PTCHD4: variants seen among roughly 807,000 people sequenced by gnomAD.
PTCHD4 encodes the protein patched domain-containing protein 4.
A neutral mutation model predicts 58.1 loss-of-function variants in PTCHD4; 33 were observed. That is an observed-to-expected ratio of 0.57 (90% CI 0.43 to 0.76). PTCHD4 has a LOEUF of 0.76. Among genes scored for constraint, PTCHD4 ranks in the 30% least tolerant of loss-of-function variants. The pLI, the probability that PTCHD4 is intolerant of heterozygous loss-of-function variation, is 0.00. For synonymous variants in PTCHD4, 478 were observed against 409.6 expected (o/e 1.17, Z -2.02); for missense variants, 1,058 against 1,027.1 (o/e 1.03, Z -0.41).
intron 1 of PTCHD4, among the ~76,000 whole-genome samples, chr6:48,101,214 T>C (rs892036683): frequency 1.2e-4 from 18 of 152,170 alleles, no homozygotes; most frequent in African/African-American, 4.3e-4. Context: ...TAAAATTTAT[T>C]TTAAAAATGG....
At chr6:47,971,956 G>C (rs1767528742) in intron 4 of PTCHD4, among the ~76,000 whole-genome samples, 1 of 152,054 alleles carries the variant, frequency 6.6e-6, no homozygotes, top group Admixed American at 6.6e-5. Context: ...GAAGAATTAG[G>C]GTTATTAACA....
chr6:48,103,959 C>T (rs1341811610), intron 1 of PTCHD4, among the ~76,000 whole-genome samples: 1 of 152,116 alleles, frequency 6.6e-6, no homozygotes, highest in Admixed American at 6.5e-5. Context: ...TGTGAAAAGA[C>T]CAAATCTACG....
At chr6:48,110,081 T>C (rs562863669) in intron 1 of PTCHD4, among the ~76,000 whole-genome samples, 82 of 152,252 alleles carry the variant, frequency 5.4e-4, no homozygotes, top group African/African-American at 1.9e-3. Flanking sequence ...AGAACTACCA[T>C]ATGATACAGC....
intron 1 of PTCHD4, among the ~76,000 whole-genome samples, chr6:48,105,714 A>T (rs1311600449): frequency 1.3e-5 from 2 of 152,176 alleles, no homozygotes; most frequent in African/African-American, 4.8e-5. Context: ...AAGACTAATA[A>T]AGAAGAAAAG....
intron 3 of PTCHD4, among the ~76,000 whole-genome samples, chr6:48,064,126 A>C (rs1287391212): frequency 6.6e-6 from 1 of 152,212 alleles, no homozygotes; most frequent in African/African-American, 2.4e-5. Flanking sequence ...GGCAGGATTC[A>C]GGGAAATAGA....
intron 4 of PTCHD4, among the ~76,000 whole-genome samples, chr6:47,888,500 G>C (rs1049534300): frequency 6.6e-6 from 1 of 152,058 alleles, no homozygotes; most frequent in Non-Finnish European, 1.5e-5. Flanking sequence ...ATAAAACTTA[G>C]TAGCAGATTC....
At position 47,876,095 on chromosome 6, in the gene PTCHD4, A is replaced by C. The variant is rs937907671; in HGVS notation, c.*2208T>G. Among the ~76,000 whole-genome samples, 3 of 151,630 alleles carry C rather than the reference A, an allele frequency of 2.0e-5. No homozygotes were observed. Among genetic ancestry groups the C allele is most frequent in the African/African-American group, 7.3e-5 (3 of 41,320 alleles). On this transcript the variant is annotated 3_prime_UTR_variant, in exon 5 of 5. Transcript: ENST00000339488. ...CCACTACAAAACTCCCACCCAAACA[A>C]AAAATCAAAACCCAACCAAAAACCT...
rs1006916467 is a variant in PTCHD4 at position 47,893,012 on chromosome 6, G to T, written c.899-13076C>A. Among the ~76,000 whole-genome samples the T allele has an allele frequency of 3.3e-5, 5 of 152,208 alleles. No individual in the cohort carries two copies. The East Asian group carries it at 9.7e-4, about 29-fold the overall frequency. Reference sequence around the variant, plus strand: ...TGATTGGTTGATTAACTTTATTAGAGATCTTTTTATTTTTTTTGAGATGGA... The same window carrying T: ...TGATTGGTTGATTAACTTTATTAGATATCTTTTTATTTTTTTTGAGATGGA... On this transcript the variant is annotated intron_variant, in intron 4 of 4. Transcript: ENST00000339488.
chr6:47,938,990 G>T, intron 4 of PTCHD4, among the ~76,000 whole-genome samples: 1 of 152,132 alleles, frequency 6.6e-6, no homozygotes, highest in Non-Finnish European at 1.5e-5. Context: ...GAGTTGGAAA[G>T]ATGCAGGTAG....
chr6:47,980,202 C>A (rs1336917034), intron 4 of PTCHD4, among the ~76,000 whole-genome samples: 1 of 151,870 alleles, frequency 6.6e-6, no homozygotes, highest in African/African-American at 2.4e-5. Context: ...AAAACTAAAA[C>A]CTGAAGGAAG....
intron 4 of PTCHD4, among the ~76,000 whole-genome samples, chr6:47,961,008 G>T (rs1011451022): frequency 6.7e-6 from 1 of 148,244 alleles, no homozygotes; most frequent in Admixed American, 6.7e-5. Context: ...CTGTTGCCCA[G>T]GCTGGAGTGT....
At chr6:48,104,233 T>C (rs891316886) in intron 1 of PTCHD4, among the ~76,000 whole-genome samples, 2 of 152,204 alleles carry the variant, frequency 1.3e-5, no homozygotes, top group South Asian at 4.1e-4. Flanking sequence ...GGGAAGCCCA[T>C]CAGACTAACA....
intron 4 of PTCHD4, among the ~76,000 whole-genome samples, chr6:47,966,736 A>G (rs1042872640): frequency 1.3e-5 from 2 of 151,850 alleles, no homozygotes; most frequent in East Asian, 3.9e-4. Flanking sequence ...CAAGAAACCA[A>G]TTTTTTTTGC....
chr6:47,902,425 C>G (rs1764739940), intron 4 of PTCHD4, among the ~76,000 whole-genome samples: 1 of 152,106 alleles, frequency 6.6e-6, no homozygotes. Flanking sequence ...TCCCTACCCA[C>G]TATGTTCAAG....
At chr6:47,898,118 G>C (rs1352769961) in intron 4 of PTCHD4, among the ~76,000 whole-genome samples, 1 of 151,182 alleles carries the variant, frequency 6.6e-6, no homozygotes, top group Non-Finnish European at 1.5e-5. Context: ...CTAATTTTTT[G>C]TATTTTTAGT....
intron 3 of PTCHD4, among the ~76,000 whole-genome samples, chr6:48,036,488 C>T (rs561691713): frequency 2.0e-4 from 31 of 152,226 alleles, no homozygotes; most frequent in African/African-American, 6.0e-4. Flanking sequence ...TCATGCTGTC[C>T]TACACCATAA....
intron 4 of PTCHD4, among the ~76,000 whole-genome samples, chr6:47,991,563 A>G (rs181388937): frequency 1.3e-3 from 200 of 152,268 alleles, no homozygotes; most frequent in African/African-American, 4.3e-3. Context: ...TATGTGTATT[A>G]GTAAATGTAA....
chr6:47,934,059 T>A (rs1765918712), intron 4 of PTCHD4, among the ~76,000 whole-genome samples: 1 of 152,228 alleles, frequency 6.6e-6, no homozygotes, highest in East Asian at 1.9e-4. Flanking sequence ...TATATCCATA[T>A]CACCAAATTC....
chr6:47,860,812 G>T lies in PTCHD4; in HGVS notation c.*17491C>A, dbSNP rs1361396144. 1.3e-5 allele frequency among the ~76,000 whole-genome samples: 2 copies of T among 151,834 alleles called. No homozygotes were observed. The highest frequency in any genetic ancestry group is 4.8e-5 in the African/African-American group (2 of 41,372). On this transcript the variant is annotated 3_prime_UTR_variant, in exon 5 of 5. Coordinates refer to ENST00000339488, the MANE Select transcript of PTCHD4 (RefSeq NM_001384253.1). ...TTATCTACTTAAGCAAAGCAATTAG[G>T]TTACAAATGAACTGGCGATAAAATA... is the stretch of plus-strand genomic sequence containing the variant.
Sources: allele counts gnomAD v4.1 joint callset (sites outside exome capture counted in the v4.1 genomes callset), GRCh38; gene constraint gnomAD v4.1.1; transcripts MANE v1.5; gene names NCBI Gene and HGNC (gene_info 2026-07-23, HGNC 2026-07-21).